The following XAF1 variants were observed in gnomAD, a reference collection of about 807,000 sequenced individuals.
The protein encoded by XAF1 is XIAP associated factor 1, also known as XIAP-associated factor 1.
XAF1 carries 32 observed loss-of-function variants against 32.3 expected under a neutral mutation model. That is an observed-to-expected ratio of 0.99 (90% CI 0.75 to 1.33). The LOEUF (loss-of-function observed/expected upper bound fraction) is 1.33, where lower values mean the gene tolerates loss of function less well. Among genes scored for constraint, XAF1 ranks in the 40% most tolerant of loss-of-function variants. XAF1 has a pLI of 0.00. For missense variants in XAF1, 379 were observed against 366.0 expected, an observed-to-expected ratio of 1.04 and a Z score of -0.29; for synonymous variants, 120 against 125.9, an observed-to-expected ratio of 0.95 and a Z score of 0.31.
Position 6,770,175 on chromosome 17 carries a change from G to A in XAF1, c.508-468G>A, listed in dbSNP as rs150038431. 7.2e-5 allele frequency among the ~76,000 whole-genome samples: 11 copies of A among 152,254 alleles called. No homozygotes were observed. The East Asian group carries it at 7.7e-4, about 11-fold the overall frequency. ...ATAATAAAGAACACAAATTTATTTC[G>A]AACAGTTCTGAAGACTGGGAAGTTC... On this transcript the variant is annotated intron_variant, in intron 5 of 6. Transcript: ENST00000361842.
At position 6,758,013 on chromosome 17, in the gene XAF1, G is replaced by C. The variant is rs182064410; in HGVS notation, c.33-76G>C. 5.5e-5 allele frequency: 88 copies of C among 1,594,442 alleles called. 1 individual carries two copies. The Admixed American group carries it at 1.3e-3, about 24-fold the overall frequency. ...TTAAGGCCTCTGGAGATCTAGCCCTGGGTATGAAATACAGCTCCATGTTTT... is the reference window on the plus strand; with the variant it reads ...TTAAGGCCTCTGGAGATCTAGCCCTCGGTATGAAATACAGCTCCATGTTTT... On this transcript the variant is annotated intron_variant, in intron 1 of 6. Coordinates refer to ENST00000361842, the MANE Select transcript of XAF1 (RefSeq NM_017523.5).
chr17:6,757,724 C>A (rs1309157923), intron 1 of XAF1, among the ~76,000 whole-genome samples: 1 of 141,084 alleles, frequency 7.1e-6, no homozygotes, highest in South Asian at 2.3e-4. Flanking sequence ...TAAAGGGTAG[C>A]AATTGATAAG....
Position 6,760,595 on chromosome 17 carries a change from G to A in XAF1, c.415G>A (p.Gly139Arg), listed in dbSNP as rs34048764. 1,294 of 1,606,600 alleles carry A rather than the reference G, an allele frequency of 8.1e-4. 13 individuals carry two copies. In the African/African-American group the frequency reaches 0.015, roughly 19 times the overall value. Residue 139 changes from glycine (G) to arginine (R), a missense_variant, in exon 4 of 7, where the codon GGG becomes AGG. Coordinates refer to ENST00000361842, the MANE Select transcript of XAF1 (RefSeq NM_017523.5). ...DVCRSEQAQLGKGERISAPER... is the reference protein window; with the variant it reads ...DVCRSEQAQLRKGERISAPER... ...CTGTCGCAGTGAACAGGCCCAGCTC[G>A]GGAAAGGTAAGCACACAAACTGGGG...
Position 6,760,575 on chromosome 17 carries a change from G to T in XAF1, c.395G>T (p.Arg132Leu), listed in dbSNP as rs2271232. The change falls in exon 4 of 7, where the codon CGC becomes CTC. Residue 132 changes from arginine to leucine, a missense_variant. By Grantham distance (102) the Arg-to-Leu change is moderately radical. Coordinates refer to ENST00000361842, the MANE Select transcript of XAF1 (RefSeq NM_017523.5). ...RMLAQHRDVCRSEQAQLGKGE... is the reference protein window; with the variant it reads ...RMLAQHRDVCLSEQAQLGKGE... ...CTCGCCCAGCACAGAGATGTCTGTC[G>T]CAGTGAACAGGCCCAGCTCGGGAAA... The T allele has an allele frequency of 8.7e-6, 14 of 1,611,872 alleles. No homozygotes were observed. The highest frequency in any genetic ancestry group is 1.3e-5 in the African/African-American group (1 of 74,780).
chr17:6,757,568 A>G (rs1312294078), intron 1 of XAF1: 3 of 99,246 alleles, frequency 3.0e-5, no homozygotes, highest in Non-Finnish European at 6.3e-5. Flanking sequence ...ACCAGAAAAC[A>G]AGAAAAAAGA....
At chr17:6,771,021 A>G in intron 6 of XAF1, 37 bp downstream of exon 6, 2 of 1,595,806 alleles carry the variant, frequency 1.3e-6, no homozygotes, top group Non-Finnish European at 1.7e-6. Flanking sequence ...CTTTCTGGGA[A>G]CCATCCGCAC....
intron 5 of XAF1, among the ~76,000 whole-genome samples, 191 bp from the exon 6 acceptor site, chr17:6,770,452 C>A (rs1975934551): frequency 6.6e-6 from 1 of 152,186 alleles, no homozygotes; most frequent in Non-Finnish European, 1.5e-5. Flanking sequence ...ACCAGTCAGA[C>A]CTTCATTCCT....
Position 6,762,148 on chromosome 17 carries a change from TATTCAG to T in XAF1, c.422-6_422-1del, listed in dbSNP as rs1162015912. ...TCATTTGTGGTGTTGTTTCTCTGCT[TATTCAG>T]GGGAAAGAATTTCAGCTCCTGAAAG... On this transcript the variant is annotated splice_acceptor_variant and splice_polypyrimidine_tract_variant and intron_variant, in intron 4 of 6. Coordinates refer to ENST00000361842, the MANE Select transcript of XAF1 (RefSeq NM_017523.5). LOFTEE classifies it high-confidence loss of function. 11 of 1,612,780 alleles carry T rather than the reference TATTCAG, an allele frequency of 6.8e-6. No individual in the cohort carries two copies. In the East Asian group the frequency reaches 2.5e-4, roughly 36 times the overall value.
rs1392103077 is a variant in XAF1, at chr17:6,761,165, G to T, written c.421+564G>T. ...GCAAAACTCTGTCTCAAAAAAAAAA[G>T]GGGGGGACCATGGGGAGTCCTAGGA... On this transcript the variant is annotated intron_variant, in intron 4 of 6. Coordinates refer to ENST00000361842, the MANE Select transcript of XAF1 (RefSeq NM_017523.5). Among the ~76,000 whole-genome samples the T allele has an allele frequency of 6.0e-5, 9 of 150,216 alleles. No individual in the cohort carries two copies. In the East Asian group the frequency reaches 1.7e-3, roughly 29 times the overall value.
rs1482272444 is a variant in XAF1 at position 6,775,019 on chromosome 17, C to A, written c.*1850C>A. On this transcript the variant is annotated 3_prime_UTR_variant, in exon 7 of 7. Coordinates refer to ENST00000361842, the MANE Select transcript of XAF1 (RefSeq NM_017523.5). The stretch of plus-strand genomic sequence containing the variant: ...TCCTGCCACTGCACTCCAGCCTGGG[C>A]AACCAAGCGAGACTCTGCCTTAAAA... The A allele has an allele frequency of 1.3e-5, 2 of 150,062 alleles. No individual in the cohort carries two copies. Among genetic ancestry groups the A allele is most frequent in the Non-Finnish European group, 2.9e-5 (2 of 67,830 alleles). 9.3% of individuals were successfully genotyped at this position (150,062 alleles called of 1,614,324 possible).
At chr17:6,756,264 G>A (rs1041637501) in intron 1 of XAF1, 154 bp downstream of exon 1, 2 of 1,369,538 alleles carry the variant, frequency 1.5e-6, no homozygotes, top group Non-Finnish European at 1.9e-6. Flanking sequence ...AGGGTAGGAG[G>A]GTTTAAACTT....
chr17:6,761,681 C>T (rs922603823), intron 4 of XAF1: 17 of 456,684 alleles, frequency 3.7e-5, no homozygotes, highest in Middle Eastern at 8.6e-4. Context: ...CATGGCTGGA[C>T]GTCAACAGAA....
intron 5 of XAF1, among the ~76,000 whole-genome samples, chr17:6,764,904 G>A (rs1975479323): frequency 6.6e-6 from 1 of 151,978 alleles, no homozygotes; most frequent in Admixed American, 6.6e-5. Context: ...CTCAATTTAT[G>A]GGAAGCATTT....
chr17:6,759,369 G>C (rs932551556), intron 2 of XAF1: 12 of 1,355,246 alleles, frequency 8.9e-6, no homozygotes, highest in Non-Finnish European at 1.0e-5. Flanking sequence ...CAGTCAGATG[G>C]AGCCCTGTTT....
intron 3 of XAF1, chr17:6,759,988 G>A: frequency 1.7e-6 from 1 of 586,146 alleles, no homozygotes. Context: ...CTTCTCATCT[G>A]CTTTCTCGTA....
At chr17:6,767,790 A>T (rs1181320469) in intron 5 of XAF1, among the ~76,000 whole-genome samples, 1 of 151,850 alleles carries the variant, frequency 6.6e-6, no homozygotes, top group Admixed American at 6.6e-5. Context: ...ATTCTATTGG[A>T]TTGAGCAAGA....
At chr17:6,768,791 C>T (rs535321493) in intron 5 of XAF1, among the ~76,000 whole-genome samples, 3 of 152,228 alleles carry the variant, frequency 2.0e-5, no homozygotes, top group South Asian at 2.1e-4. Flanking sequence ...TTACCTGTAA[C>T]GTGTTTAAGA....
intron 2 of XAF1, chr17:6,758,632 TGGGGTCTGGGA>T (rs1974912923): frequency 3.1e-6 from 1 of 326,166 alleles, no homozygotes; most frequent in Non-Finnish European, 6.0e-6. Flanking sequence ...GCAGGTGAGA[TGGGGTCTGGGA>T]GGGGCAAGTG....
Position 6,772,755 on chromosome 17 carries a change from G to A in XAF1, c.850-358G>A, listed in dbSNP as rs538844585. ...AAAGTGCTGGAATTATAGGGCATGA[G>A]CCACCACGCCCAGCAACATTTCTTT... On this transcript the variant is annotated intron_variant, in intron 6 of 6. Coordinates refer to ENST00000361842, the MANE Select transcript of XAF1 (RefSeq NM_017523.5). 2.5e-4 allele frequency: 46 copies of A among 187,042 alleles called. No individual in the cohort carries two copies. In the South Asian group the frequency reaches 4.2e-3, roughly 17 times the overall value. The allele number at this position is 187,042 out of a possible 1,614,324, so 11.6% of individuals were successfully genotyped here. A position where few individuals can be genotyped will look rare whatever the true frequency, so the allele number is the denominator to read the frequency against.
Sources: allele counts gnomAD v4.1 joint callset (sites outside exome capture counted in the v4.1 genomes callset), GRCh38; gene constraint gnomAD v4.1.1; transcripts MANE v1.5; gene names NCBI Gene and HGNC (gene_info 2026-07-23, HGNC 2026-07-21).